Variants in PPM1G observed in about 807,000 individuals in gnomAD.
PPM1G encodes protein phosphatase 1G.
In PPM1G, 12 loss-of-function variants were observed where a neutral mutation model predicts 59.4. The ratio of observed to expected loss-of-function variants is 0.20; its 90% confidence interval spans 0.13 to 0.33. The LOEUF (loss-of-function observed/expected upper bound fraction) is 0.33, where lower values mean the gene tolerates loss of function less well. PPM1G is among the 10% of genes least tolerant of loss of function. PPM1G has a pLI of 1.00. For missense variants in PPM1G, 392 were observed against 681.3 expected, an observed-to-expected ratio of 0.58 and a Z score of 4.73; for synonymous variants, 245 against 251.9, an observed-to-expected ratio of 0.97 and a Z score of 0.26.
rs1161233802 is a variant in PPM1G at position 27,392,281 on chromosome 2, GTTTTGTTTTTTTTT to G, written c.121-5137_121-5124del. Among the ~76,000 whole-genome samples the G allele has an allele frequency of 5.2e-4, 41 of 78,784 alleles. 1 individual carries two copies. The highest frequency in any genetic ancestry group is 3.9e-3 in the Admixed American group (28 of 7,168). 51.7% of individuals were successfully genotyped at this position (78,784 alleles called of 152,430 possible). A position where few individuals can be genotyped will look rare whatever the true frequency, so the allele number is the denominator to read the frequency against. On this transcript the variant is annotated intron_variant, in intron 1 of 9. Transcript: ENST00000344034. ...CTGGATTACTTTGTTTTGTTGGTTT[GTTTTGTTTTTTTTT>G]TTTTTTTTTTTTTTTGAGAGAGAGA... is the stretch of plus-strand genomic sequence containing the variant.
chr2:27,394,692 G>C (rs973623267), intron 1 of PPM1G, among the ~76,000 whole-genome samples: 1 of 146,650 alleles, frequency 6.8e-6, no homozygotes, highest in Non-Finnish European at 1.5e-5. Context: ...GCAGTGAGCC[G>C]AGATCGTGCC....
chr2:27,383,246 G>C lies in PPM1G; in HGVS notation c.1201+120C>G. Reference sequence around the variant, plus strand: ...TATTTCACAGAAATATAAGAACAGAGGTAGTAGATATTAAAGTGCTTTGAA... The same window carrying C: ...TATTTCACAGAAATATAAGAACAGACGTAGTAGATATTAAAGTGCTTTGAA... On this transcript the variant is annotated intron_variant, in intron 7 of 9. Transcript: ENST00000344034. The surrounding 1 kb of genome is among the most constrained non-coding windows in gnomAD (Gnocchi z 5.0). 1.3e-6 allele frequency: 1 copy of C among 782,698 alleles called. No homozygotes were observed. The highest frequency in any genetic ancestry group is 2.1e-6 in the Non-Finnish European group (1 of 470,318). The allele number at this position is 782,698 out of a possible 1,614,324, so 48.5% of individuals were successfully genotyped here. A position where few individuals can be genotyped will look rare whatever the true frequency, so the allele number is the denominator to read the frequency against.
intron 1 of PPM1G, among the ~76,000 whole-genome samples, chr2:27,395,154 A>C (rs890168202): frequency 1.4e-5 from 2 of 148,060 alleles, no homozygotes; most frequent in African/African-American, 5.1e-5. Context: ...TCACTACTTG[A>C]ATCTGGGAGG....
At chr2:27,402,825 TAAA>T (rs1684215648) in intron 1 of PPM1G, among the ~76,000 whole-genome samples, 4 of 141,166 alleles carry the variant, frequency 2.8e-5, no homozygotes, top group African/African-American at 1.1e-4. Flanking sequence ...AATAAATAAA[TAAA>T]TAAATAAATA....
At position 27,383,676 on chromosome 2, in the gene PPM1G, C is replaced by T. The variant is rs939625984; in HGVS notation, c.967-76G>A. ...CACTGATGTGCTCCTGATCGTTCAC[C>T]TATGCTTGCTTTCACTGGGACCCCC... On this transcript the variant is annotated intron_variant, in intron 6 of 9. Transcript: ENST00000344034. This position sits in a 1 kb window ranked among gnomAD's most constrained non-coding sequence, Gnocchi z 5.0. 7.1e-7 allele frequency: 1 copy of T among 1,403,754 alleles called. No homozygotes were observed. The highest frequency in any genetic ancestry group is 2.2e-5 in the Admixed American group (1 of 46,294). 87.0% of individuals were successfully genotyped at this position (1,403,754 alleles called of 1,614,324 possible).
intron 1 of PPM1G, among the ~76,000 whole-genome samples, chr2:27,388,949 G>A (rs1055634604): frequency 6.8e-6 from 1 of 147,616 alleles, no homozygotes; most frequent in Non-Finnish European, 1.5e-5. Flanking sequence ...CACAGAGGGT[G>A]AGATTTGGGT....
chr2:27,409,171 C>T (rs1368462583), intron 1 of PPM1G, 132 bp downstream of exon 1: 1 of 1,310,846 alleles, frequency 7.6e-7, no homozygotes, highest in African/African-American at 1.6e-5. Flanking sequence ...GTCTCTGTCG[C>T]CCCGCAAACG....
intron 1 of PPM1G, among the ~76,000 whole-genome samples, chr2:27,396,827 A>G (rs1476638464): frequency 6.6e-6 from 1 of 151,790 alleles, no homozygotes; most frequent in East Asian, 1.9e-4. Flanking sequence ...AACAAAAAAA[A>G]AAAAAGAAAA....
chr2:27,393,108 T>C (rs1683956379), intron 1 of PPM1G: 2 of 1,307,778 alleles, frequency 1.5e-6, no homozygotes. Context: ...GTCTGGTTTC[T>C]TGATATCCTG....
Position 27,409,296 on chromosome 2 carries a change from T to C in PPM1G, c.120+7A>G. On this transcript the variant is annotated splice_region_variant and intron_variant, in intron 1 of 9. Coordinates refer to ENST00000344034, the MANE Select transcript of PPM1G (RefSeq NM_177983.3). The stretch of plus-strand genomic sequence containing the variant: ...AGCGGCCAGCCTATGGGCCCCTGCC[T>C]CCTCACCTCCATGGAGACGCGCCAG... The C allele has an allele frequency of 6.4e-7, 1 of 1,553,166 alleles. No individual in the cohort carries two copies. Among genetic ancestry groups the C allele is most frequent in the Non-Finnish European group, 8.7e-7 (1 of 1,150,630 alleles).
Position 27,385,684 on chromosome 2 carries a change from G to A in PPM1G, c.409+63C>T. On this transcript the variant is annotated intron_variant, in intron 4 of 9. Transcript: ENST00000344034. This position sits in a 1 kb window ranked among gnomAD's most constrained non-coding sequence, Gnocchi z 4.1. ...AGCCATCCTATCTTAGAATTGATAA[G>A]TAATATTAAAGAATATTTCTTAAAA... 6.4e-7 allele frequency: 1 copy of A among 1,567,052 alleles called. No homozygotes were observed. The highest frequency in any genetic ancestry group is 8.6e-7 in the Non-Finnish European group (1 of 1,159,938).
chr2:27,396,819 C>CAAAAAAAAAAAAAAAAA (rs771980529), intron 1 of PPM1G, among the ~76,000 whole-genome samples: 6 of 125,262 alleles, frequency 4.8e-5, no homozygotes, highest in African/African-American at 1.3e-4. Context: ...CCGTCTCCAA[C>CAAAAAAAAAAAAAAAAA]AAAAAAAAAA....
intron 1 of PPM1G, among the ~76,000 whole-genome samples, chr2:27,404,318 C>T (rs748212324): frequency 2.0e-5 from 3 of 151,958 alleles, no homozygotes; most frequent in Non-Finnish European, 2.9e-5. Flanking sequence ...GAGGCCGAGG[C>T]AGGTGGATCA....
chr2:27,392,892 T>A, intron 1 of PPM1G: 1 of 1,429,886 alleles, frequency 7.0e-7, no homozygotes, highest in South Asian at 1.1e-5. Flanking sequence ...GGTCACCCAA[T>A]TCTTTGATGG....
At position 27,383,871 on chromosome 2, in the gene PPM1G, C is replaced by A; in HGVS notation, c.966+81G>T. 1 of 1,530,250 alleles carries A rather than the reference C, an allele frequency of 6.5e-7. No homozygotes were observed. Among genetic ancestry groups the A allele is most frequent in the Admixed American group, 2.0e-5 (1 of 49,880 alleles). 94.8% of individuals were successfully genotyped at this position (1,530,250 alleles called of 1,614,324 possible). On this transcript the variant is annotated intron_variant, in intron 6 of 9. Transcript: ENST00000344034. The surrounding 1 kb of genome is among the most constrained non-coding windows in gnomAD (Gnocchi z 5.0). ...TTCCATCCTAAAGTATCAGGGGGAT[C>A]CCCTGTCTCAAAATCAAAATTAGGG...
rs1265840050 is a variant in PPM1G, at chr2:27,383,722, G to A, written c.967-122C>T. 1.7e-6 allele frequency: 2 copies of A among 1,158,478 alleles called. No individual in the cohort carries two copies. Among genetic ancestry groups the A allele is most frequent in the Non-Finnish European group, 2.4e-6 (2 of 825,836 alleles). The allele number at this position is 1,158,478 out of a possible 1,614,324, so 71.8% of individuals were successfully genotyped here. On this transcript the variant is annotated intron_variant, in intron 6 of 9. Coordinates refer to ENST00000344034, the MANE Select transcript of PPM1G (RefSeq NM_177983.3). This position sits in a 1 kb window ranked among gnomAD's most constrained non-coding sequence, Gnocchi z 5.0. ...CCCCCAAAAGAGCTTTAACAAACAGGAGAAGCACACATTTCATCTTTCTAG... is the reference window on the plus strand; with the variant it reads ...CCCCCAAAAGAGCTTTAACAAACAGAAGAAGCACACATTTCATCTTTCTAG...
intron 1 of PPM1G, among the ~76,000 whole-genome samples, chr2:27,399,929 T>C (rs894882689): frequency 5.1e-5 from 7 of 137,076 alleles, no homozygotes; most frequent in African/African-American, 1.4e-4. Context: ...AATTTGTACA[T>C]AGTATCACTA....
Position 27,385,748 on chromosome 2 carries a change from A to G in PPM1G, c.408T>C (p.Asp136=), listed in dbSNP as rs989131649. ...DEKEKVADED[D]VDNEEAALLH... ...TCAAACAAGGGATGCCACACTCACC[A>G]TCATCTTCATCAGCTACTTTTTCTT... The change falls in exon 4 of 10, where the codon GAT becomes GAC. Residue 136 remains aspartate, a splice_region_variant and synonymous_variant. Coordinates refer to ENST00000344034, the MANE Select transcript of PPM1G (RefSeq NM_177983.3). This position sits in a 1 kb window ranked among gnomAD's most constrained non-coding sequence, Gnocchi z 4.1. 6.2e-7 allele frequency: 1 copy of G among 1,611,660 alleles called. No individual in the cohort carries two copies.
intron 1 of PPM1G, among the ~76,000 whole-genome samples, chr2:27,395,907 G>A (rs528709904): frequency 1.3e-5 from 2 of 151,924 alleles, no homozygotes; most frequent in Admixed American, 1.3e-4. Flanking sequence ...ACAACTGCTA[G>A]CAAGGATGTG....
Sources: gnomAD v4.1 joint callset for allele counts (sites outside exome capture counted in the v4.1 genomes callset) on GRCh38, gnomAD v4.1.1 for gene constraint, Gnocchi (gnomAD v3.1) non-coding constraint, MANE v1.5 for transcripts, NCBI Gene and HGNC (gene_info 2026-07-23, HGNC 2026-07-21) for gene names.